SSBP2: variants seen among roughly 807,000 people sequenced by gnomAD.
SSBP2 encodes the protein single stranded DNA binding protein 2.
Under a neutral mutation model 61.8 loss-of-function variants are expected in SSBP2, and 17 were observed. The observed-to-expected ratio is 0.28, with a 90% confidence interval of 0.19 to 0.41. SSBP2 has a LOEUF of 0.41. Among genes scored for constraint, SSBP2 ranks in the 10% least tolerant of loss-of-function variants. The probability of loss-of-function intolerance (pLI) is 1.00; values close to 1 mark genes in which losing one functional copy is unlikely to be tolerated. For synonymous variants in SSBP2, 139 were observed against 141.3 expected (o/e 0.98, Z 0.12); for missense variants, 310 against 458.7 (o/e 0.68, Z 2.96).
chr5:81,463,476 G>T (rs1028662720), intron 9 of SSBP2, among the ~76,000 whole-genome samples: 1 of 152,130 alleles, frequency 6.6e-6, no homozygotes, highest in African/African-American at 2.4e-5. Flanking sequence ...GAGGCGGGGG[G>T]ACCACTTGAG....
At chr5:81,728,625 G>A (rs1374619470) in intron 1 of SSBP2, among the ~76,000 whole-genome samples, 1 of 152,082 alleles carries the variant, frequency 6.6e-6, no homozygotes, top group East Asian at 1.9e-4. Context: ...TGGATCAGAT[G>A]CAATAATTTG....
chr5:81,638,534 AAAG>A (rs35667268), intron 2 of SSBP2, among the ~76,000 whole-genome samples: 2,124 of 151,760 alleles, frequency 0.014, 51 homozygotes, highest in African/African-American at 0.048. Flanking sequence ...GAAAAAAAAA[AAAG>A]GAGTAACTGA....
At chr5:81,719,184 G>A (rs965203112) in intron 1 of SSBP2, among the ~76,000 whole-genome samples, 4 of 152,210 alleles carry the variant, frequency 2.6e-5, no homozygotes, top group Admixed American at 2.6e-4. Context: ...ATAAACTCCT[G>A]CTACAGAAAT....
chr5:81,720,944 C>A (rs1009859445), intron 1 of SSBP2, among the ~76,000 whole-genome samples: 4 of 152,056 alleles, frequency 2.6e-5, no homozygotes, highest in African/African-American at 9.7e-5. Context: ...CTGGGGTTTT[C>A]TTTTTACTAT....
intron 4 of SSBP2, among the ~76,000 whole-genome samples, chr5:81,547,036 CAAA>C (rs61254614): frequency 8.0e-4 from 43 of 53,866 alleles, no homozygotes; most frequent in African/African-American, 5.8e-3. Context: ...AAATCTTGGC[CAAA>C]AAAAAAAAAA....
Position 81,455,391 on chromosome 5 carries a change from G to A in SSBP2, c.687+5664C>T, listed in dbSNP as rs979006664. Among the ~76,000 whole-genome samples, 35 of 53,538 alleles carry A rather than the reference G, an allele frequency of 6.5e-4. 10 individuals carry two copies. Among genetic ancestry groups the A allele is most frequent in the Non-Finnish European group, 1.3e-4 (4 of 31,636 alleles). The allele number at this position is 53,538 out of a possible 152,430, so 35.1% of individuals were successfully genotyped here. On this transcript the variant is annotated intron_variant, in intron 10 of 16. Coordinates refer to ENST00000320672, the MANE Select transcript of SSBP2 (RefSeq NM_012446.5). Reference sequence around the variant, plus strand: ...TCCCAGCACTTTGGGAGGCCGAGGCGGGTGGATCATGAGGTCAGGAGATCG... The same window carrying A: ...TCCCAGCACTTTGGGAGGCCGAGGCAGGTGGATCATGAGGTCAGGAGATCG...
intron 1 of SSBP2, among the ~76,000 whole-genome samples, chr5:81,701,822 T>C (rs1002074524): frequency 9.2e-5 from 14 of 152,314 alleles, no homozygotes; most frequent in African/African-American, 3.1e-4. Context: ...ATAATGTACA[T>C]TATAAATCTC....
At chr5:81,723,224 T>A (rs1051574532) in intron 1 of SSBP2, among the ~76,000 whole-genome samples, 1 of 152,016 alleles carries the variant, frequency 6.6e-6, no homozygotes, top group African/African-American at 2.4e-5. Context: ...CATAACTTCT[T>A]CCCAAATTGT....
intron 1 of SSBP2, among the ~76,000 whole-genome samples, chr5:81,700,732 A>T (rs1328298274): frequency 6.6e-6 from 1 of 151,742 alleles, no homozygotes; most frequent in East Asian, 1.9e-4. Context: ...TTCACTTTGC[A>T]CTTTTATATT....
intron 4 of SSBP2, among the ~76,000 whole-genome samples, chr5:81,533,301 T>C (rs770725657): frequency 1.4e-4 from 21 of 151,352 alleles, no homozygotes; most frequent in Non-Finnish European, 2.7e-4. Context: ...AAAGACAAAA[T>C]TGCATGGGAA....
intron 1 of SSBP2, 101 bp from the exon 2 acceptor site, chr5:81,650,440 G>A: frequency 4.3e-6 from 3 of 698,230 alleles, no homozygotes; most frequent in South Asian, 2.9e-5. Flanking sequence ...CACACTAACA[G>A]TGACCAAAAA....
chr5:81,748,761 A>G (rs973782165), intron 1 of SSBP2, among the ~76,000 whole-genome samples: 3 of 152,182 alleles, frequency 2.0e-5, no homozygotes, highest in African/African-American at 2.4e-5. Context: ...ACGAGAGTAG[A>G]TATTACTTGG....
chr5:81,437,745 GACCATTTTATAT>G (rs1762762419), intron 14 of SSBP2: 4 of 217,398 alleles, frequency 1.8e-5, no homozygotes, highest in Non-Finnish European at 3.6e-5. Flanking sequence ...ATTTTAGAAA[GACCATTTTATAT>G]ACCCTACCCA....
rs1473364113 is a variant in SSBP2 at position 81,415,152 on chromosome 5, G to A, written c.*5352C>T. ...CTTATTCCACCAGGAGGGAAAAACAGAAAGAAGATTCAACTACTTTTGGCA... is the reference window on the plus strand; with the variant it reads ...CTTATTCCACCAGGAGGGAAAAACAAAAAGAAGATTCAACTACTTTTGGCA... On this transcript the variant is annotated 3_prime_UTR_variant, in exon 17 of 17. Transcript: ENST00000320672. 1.3e-5 allele frequency: 2 copies of A among 152,188 alleles called. No individual in the cohort carries two copies. The highest frequency in any genetic ancestry group is 2.4e-5 in the African/African-American group (1 of 41,434). 9.4% of individuals were successfully genotyped at this position (152,188 alleles called of 1,614,324 possible).
intron 6 of SSBP2, among the ~76,000 whole-genome samples, chr5:81,481,022 G>C (rs1765944407): frequency 6.6e-6 from 1 of 152,192 alleles, no homozygotes; most frequent in Non-Finnish European, 1.5e-5. Flanking sequence ...TTATGAGAGT[G>C]TGGCAATTCA....
At chr5:81,570,641 A>T (rs137882121) in intron 4 of SSBP2, among the ~76,000 whole-genome samples, 1 of 152,308 alleles carries the variant, frequency 6.6e-6, no homozygotes, top group African/African-American at 2.4e-5. Context: ...AACCCACTTC[A>T]CCAGTTAAAT....
chr5:81,579,290 T>G (rs1056590272), intron 4 of SSBP2, among the ~76,000 whole-genome samples: 5 of 152,070 alleles, frequency 3.3e-5, no homozygotes, highest in Non-Finnish European at 7.4e-5. Context: ...GGAGTGATTT[T>G]AGTTATTTTC....
At chr5:81,716,549 T>C (rs1404787308) in intron 1 of SSBP2, among the ~76,000 whole-genome samples, 1 of 152,214 alleles carries the variant, frequency 6.6e-6, no homozygotes, top group South Asian at 2.1e-4. Context: ...CATACTTGTG[T>C]ATATAATTTT....
intron 4 of SSBP2, among the ~76,000 whole-genome samples, chr5:81,585,271 T>C (rs1581093121): frequency 6.6e-6 from 1 of 152,092 alleles, no homozygotes; most frequent in East Asian, 1.9e-4. Flanking sequence ...TACCTCTCCT[T>C]ATACTACCTA....
Sources: gnomAD v4.1 joint callset for allele counts (sites outside exome capture counted in the v4.1 genomes callset) on GRCh38, gnomAD v4.1.1 for gene constraint, MANE v1.5 for transcripts, NCBI Gene and HGNC (gene_info 2026-07-23, HGNC 2026-07-21) for gene names.